The following ZNF708 variants were observed in gnomAD, a reference collection of about 807,000 sequenced individuals.
ZNF708 encodes the protein zinc finger protein 708, also known as ZNF15, ZNF15L1.
Under a neutral mutation model 47.0 loss-of-function variants are expected in ZNF708, and 44 were observed. The ratio of observed to expected loss-of-function variants is 0.94; its 90% confidence interval spans 0.74 to 1.20. ZNF708 has a LOEUF of 1.20. Ranked by LOEUF, ZNF708 falls within the 50% of genes most tolerant of loss-of-function variation. The pLI is 0.00. For missense variants in ZNF708, 557 were observed against 656.0 expected (o/e 0.85, Z 1.65); for synonymous variants, 184 against 218.5 (o/e 0.84, Z 1.39).
In ZNF708 at chr19:21,294,697, T is replaced by C. The variant is rs1568344375; in HGVS notation, c.269A>G (p.Tyr90Cys). The stretch of plus-strand genomic sequence containing the variant: ...CACTTGTTGGAAAGAATTTTTTATA[T>C]ATTGCTCTGGCCTAAGGTCTTTGGC... ...HFAKDLRPEQ[Y>C]IKNSFQQVIL... Residue 90 changes from tyrosine to cysteine, a missense_variant, in exon 4 of 4, where the codon TAT (tyrosine) becomes TGT (cysteine). Physicochemically the swap from Tyr to Cys is radical, Grantham distance 194. Coordinates refer to ENST00000356929, the MANE Select transcript of ZNF708 (RefSeq NM_021269.3). The C allele has an allele frequency of 8.1e-6, 13 of 1,613,332 alleles. No individual in the cohort carries two copies. The highest frequency in any genetic ancestry group is 9.3e-6 in the Non-Finnish European group (11 of 1,179,696).
In ZNF708 at chr19:21,293,221, G is replaced by C; in HGVS notation, c.*53C>G. ...CATTTGTAGGATTTCTCTCCAGTAT[G>C]AATTATCTTGTGTTTTAATAAAAGT... On this transcript the variant is annotated 3_prime_UTR_variant, in exon 4 of 4. Coordinates refer to ENST00000356929, the MANE Select transcript of ZNF708 (RefSeq NM_021269.3). 1 of 1,558,956 alleles carries C rather than the reference G, an allele frequency of 6.4e-7. No individual in the cohort carries two copies. The highest frequency in any genetic ancestry group is 8.7e-7 in the Non-Finnish European group (1 of 1,146,026).
At chr19:21,300,377 A>G (rs555536960) in intron 3 of ZNF708, among the ~76,000 whole-genome samples, 35 of 152,046 alleles carry the variant, frequency 2.3e-4, no homozygotes, top group Admixed American at 6.5e-4. Context: ...ATGGTGGTAC[A>G]TGCCTGTAAT....
rs1599665137 is a variant in ZNF708, at chr19:21,293,748, A to T, written c.1218T>A (p.Thr406=). 1 of 1,608,486 alleles carries T rather than the reference A, an allele frequency of 6.2e-7. No individual in the cohort carries two copies. The highest frequency in any genetic ancestry group is 1.4e-5 in the African/African-American group (1 of 73,208). The change falls in exon 4 of 4, where the codon ACT becomes ACA. Residue 406 remains threonine (T), a synonymous_variant. Transcript: ENST00000356929. ...ECGKAFTKSS[T]LTYHKVIHTG... is the part of the protein sequence containing the mutation. ...TATGAATTACCTTATGATAAGTAAG[A>T]GTTGAGGACTTGGTAAAGGCTTTAC... is the stretch of plus-strand genomic sequence containing the variant.
chr19:21,294,991 A>G (rs1432776464), intron 3 of ZNF708, among the ~76,000 whole-genome samples: 3 of 152,214 alleles, frequency 2.0e-5, no homozygotes, highest in Non-Finnish European at 2.9e-5. Flanking sequence ...AAAAAAGAAA[A>G]GTCTGTTACA....
rs556836672 is a variant in ZNF708, at chr19:21,307,302, G to A, written c.226+1944C>T. ...GCTACTACCCCTCTCCACAAACCCAGAGGGCATCCCAGAACCCTGGCAGCC... is the reference window on the plus strand; with the variant it reads ...GCTACTACCCCTCTCCACAAACCCAAAGGGCATCCCAGAACCCTGGCAGCC... On this transcript the variant is annotated intron_variant, in intron 3 of 3. Coordinates refer to ENST00000356929, the MANE Select transcript of ZNF708 (RefSeq NM_021269.3). 3.9e-5 allele frequency among the ~76,000 whole-genome samples: 6 copies of A among 152,034 alleles called. No individual in the cohort carries two copies. In the South Asian group the frequency reaches 1.0e-3, roughly 26 times the overall value.
At chr19:21,315,687 T>A (rs1390215110) in intron 1 of ZNF708, among the ~76,000 whole-genome samples, 1 of 152,170 alleles carries the variant, frequency 6.6e-6, no homozygotes, top group Non-Finnish European at 1.5e-5. Flanking sequence ...GATACAAAGT[T>A]GTCTGTCAAC....
At chr19:21,302,993 A>C (rs933521656) in intron 3 of ZNF708, among the ~76,000 whole-genome samples, 2 of 152,082 alleles carry the variant, frequency 1.3e-5, no homozygotes, top group African/African-American at 4.8e-5. Flanking sequence ...AAGAAACATA[A>C]TCCTAGGATG....
At chr19:21,307,609 G>A (rs2154302) in intron 3 of ZNF708, among the ~76,000 whole-genome samples, 23,723 of 151,574 alleles carry the variant, frequency 0.16, 2,165 homozygotes, top group Non-Finnish European at 0.21. Flanking sequence ...GTGACAGAGT[G>A]AGACTCAGTT....
intron 1 of ZNF708, among the ~76,000 whole-genome samples, chr19:21,326,986 A>T (rs1366047498): frequency 6.6e-6 from 1 of 151,922 alleles, no homozygotes; most frequent in African/African-American, 2.4e-5. Flanking sequence ...TTCACAAAAA[A>T]TACATCTGAG....
intron 1 of ZNF708, among the ~76,000 whole-genome samples, chr19:21,317,373 T>C (rs1416446815): frequency 6.6e-6 from 1 of 152,174 alleles, no homozygotes; most frequent in Admixed American, 6.5e-5. Flanking sequence ...TGGAAGTGAC[T>C]GTAGAGGACA....
intron 1 of ZNF708, among the ~76,000 whole-genome samples, chr19:21,314,751 C>T (rs1261993005): frequency 6.6e-6 from 1 of 152,192 alleles, no homozygotes; most frequent in Non-Finnish European, 1.5e-5. Flanking sequence ...CAATCAAAAA[C>T]ATCCCTTGTA....
Position 21,293,274 on chromosome 19 carries a change from T to C in ZNF708, c.1692A>G (p.Ter564=). 1.2e-5 allele frequency: 20 copies of C among 1,600,532 alleles called. No individual in the cohort carries two copies. The highest frequency in any genetic ancestry group is 1.7e-5 in the Non-Finnish European group (20 of 1,175,048). ...AAAATACACTAAAGGATTTGACACATTATTTACATTTGTAGGGTTTCTCTT... is the reference window on the plus strand; with the variant it reads ...AAAATACACTAAAGGATTTGACACACTATTTACATTTGTAGGGTTTCTCTT... ...HTKEKPYKCK[*] The change falls in exon 4 of 4, where the codon TAA becomes TAG. Residue 564 remains the stop codon, a stop_retained_variant. Transcript: ENST00000356929.
At chr19:21,308,530 C>T (rs1236966371) in intron 3 of ZNF708, among the ~76,000 whole-genome samples, 1 of 152,056 alleles carries the variant, frequency 6.6e-6, no homozygotes, top group Non-Finnish European at 1.5e-5. Flanking sequence ...CCACCCATCT[C>T]GGCCTCCCAC....
chr19:21,329,344 G>T lies in ZNF708; in HGVS notation c.-132C>A. The T allele has an allele frequency of 7.0e-7, 1 of 1,426,630 alleles. No homozygotes were observed. The highest frequency in any genetic ancestry group is 1.2e-5 in the South Asian group (1 of 85,812). The allele number at this position is 1,426,630 out of a possible 1,614,324, so 88.4% of individuals were successfully genotyped here. A position where few individuals can be genotyped will look rare whatever the true frequency, so the allele number is the denominator to read the frequency against. ...TGAAGACGAGACCGGAGCTCCGGCT[G>T]CAGCAAGAGACAAAGGCCGCGCCAA... On this transcript the variant is annotated 5_prime_UTR_variant, in exon 1 of 4. Coordinates refer to ENST00000356929, the MANE Select transcript of ZNF708 (RefSeq NM_021269.3).
intron 1 of ZNF708, among the ~76,000 whole-genome samples, chr19:21,321,822 A>C (rs1973150934): frequency 6.6e-6 from 1 of 151,414 alleles, no homozygotes; most frequent in Non-Finnish European, 1.5e-5. Flanking sequence ...CACACCAAAC[A>C]TTCATGACAC....
At chr19:21,298,641 C>T (rs1358096621) in intron 3 of ZNF708, among the ~76,000 whole-genome samples, 3 of 148,130 alleles carry the variant, frequency 2.0e-5, no homozygotes, top group Admixed American at 1.4e-4. Context: ...CTTCAAAATA[C>T]ATGACAAAGC....
At chr19:21,317,378 A>G (rs1973037394) in intron 1 of ZNF708, among the ~76,000 whole-genome samples, 1 of 152,166 alleles carries the variant, frequency 6.6e-6, no homozygotes. Flanking sequence ...GTGACTGTAG[A>G]GGACAATAGA....
Position 21,294,352 on chromosome 19 carries a change from A to G in ZNF708, c.614T>C (p.Phe205Ser). The G allele has an allele frequency of 6.2e-7, 1 of 1,613,342 alleles. No individual in the cohort carries two copies. Among genetic ancestry groups the G allele is most frequent in the Non-Finnish European group, 8.5e-7 (1 of 1,179,774 alleles). ...PYKCEECGKA[F>S]KKSSNLTNHK... ...ATTCGTAAGGTTTGAGGACTTTTTAAAAGCTTTGCCACATTCTTCACATTT... is the reference window on the plus strand; with the variant it reads ...ATTCGTAAGGTTTGAGGACTTTTTAGAAGCTTTGCCACATTCTTCACATTT... The change falls in exon 4 of 4, where the codon TTT (phenylalanine) becomes TCT (serine). Residue 205 changes from phenylalanine (F) to serine (S), a missense_variant. Transcript: ENST00000356929.
intron 3 of ZNF708, 118 bp downstream of exon 3, chr19:21,309,127 CA>C (rs1972845709): frequency 1.9e-6 from 2 of 1,042,590 alleles, no homozygotes; most frequent in Middle Eastern, 2.3e-4. Flanking sequence ...GTTAAAAAAA[CA>C]AAACAGCTGC....
Sources: allele counts gnomAD v4.1 joint callset (sites outside exome capture counted in the v4.1 genomes callset), GRCh38; gene constraint gnomAD v4.1.1; transcripts MANE v1.5; gene names NCBI Gene and HGNC (gene_info 2026-07-23, HGNC 2026-07-21).